The following ADAMTS17 variants were observed in gnomAD, a reference collection of about 807,000 sequenced individuals.
ADAMTS17 encodes the protein ADAM metallopeptidase with thrombospondin type 1 motif 17, also known as A disintegrin and metalloproteinase with thrombospondin motifs 17.
ADAMTS17 carries 113 observed loss-of-function variants against 141.5 expected under a neutral mutation model. The ratio of observed to expected loss-of-function variants is 0.80; its 90% CI spans 0.69 to 0.93. ADAMTS17 has a LOEUF of 0.93. Ranked by LOEUF, ADAMTS17 falls within the 40% of genes least tolerant of loss-of-function variation. The pLI is 0.00. For synonymous variants in ADAMTS17, 768 were observed against 630.6 expected (o/e 1.22, Z -3.27); for missense variants, 1,659 against 1,517.9 (o/e 1.09, Z -1.54).
chr15:100,203,543 A>C (rs1442838387), intron 7 of ADAMTS17, among the ~76,000 whole-genome samples: 1 of 152,138 alleles, frequency 6.6e-6, no homozygotes, highest in Non-Finnish European at 1.5e-5. Flanking sequence ...ATCTCTACTA[A>C]AAATACAAAA....
chr15:100,005,662 G>C (rs1355381369), intron 18 of ADAMTS17, among the ~76,000 whole-genome samples: 4 of 152,178 alleles, frequency 2.6e-5, no homozygotes, highest in Non-Finnish European at 5.9e-5. Context: ...CCGATAATCA[G>C]TTGGCCTTAA....
At chr15:100,246,318 T>A (rs2042985305) in intron 7 of ADAMTS17, among the ~76,000 whole-genome samples, 1 of 152,208 alleles carries the variant, frequency 6.6e-6, no homozygotes, top group South Asian at 2.1e-4. Context: ...GCAGATGGTC[T>A]ATTTTTTAAT....
rs1275415106 is a variant in ADAMTS17 at position 100,155,313 on chromosome 15, T to C, written c.1189A>G (p.Met397Val). 1.4e-5 allele frequency: 22 copies of C among 1,613,636 alleles called. No homozygotes were observed. The highest frequency in any genetic ancestry group is 1.7e-5 in the Non-Finnish European group (20 of 1,179,820). ...GATGAGTGGTCATCGTCGTGGTTCA[T>C]GCCCAAGCTGTCCAAGAAGGAGGAG... Reference protein sequence around the residue: ...IAHELGHNLGMNHDDDHSSCA... With the variant: ...IAHELGHNLGVNHDDDHSSCA... Residue 397 changes from methionine (M) to valine (V), a missense_variant, in exon 9 of 22, where the codon ATG becomes GTG. Met to Val is a conservative substitution (Grantham distance 21). Transcript: ENST00000268070.
chr15:100,036,133 G>C (rs1291438742), intron 18 of ADAMTS17, among the ~76,000 whole-genome samples: 1 of 152,196 alleles, frequency 6.6e-6, no homozygotes, highest in Non-Finnish European at 1.5e-5. Context: ...GGGCTTCTTT[G>C]TCAGAGTCTT....
intron 3 of ADAMTS17, among the ~76,000 whole-genome samples, chr15:100,281,825 A>T (rs964191991): frequency 1.3e-5 from 2 of 152,172 alleles, no homozygotes; most frequent in Non-Finnish European, 2.9e-5. Context: ...AGGGGACAGG[A>T]CACTCCCCTG....
intron 19 of ADAMTS17, among the ~76,000 whole-genome samples, chr15:99,994,021 C>T (rs748100224): frequency 2.6e-5 from 4 of 152,164 alleles, no homozygotes; most frequent in Non-Finnish European, 5.9e-5. Context: ...CTGGAGCCTG[C>T]TCCTGACACG....
At chr15:100,261,260 G>A (rs1257284288) in intron 6 of ADAMTS17, among the ~76,000 whole-genome samples, 1 of 152,162 alleles carries the variant, frequency 6.6e-6, no homozygotes, top group African/African-American at 2.4e-5. Context: ...CAATGGAGGA[G>A]GGACAAAGAG....
intron 14 of ADAMTS17, among the ~76,000 whole-genome samples, chr15:100,098,363 G>A (rs1269547084): frequency 6.6e-6 from 1 of 152,046 alleles, no homozygotes; most frequent in East Asian, 1.9e-4. Context: ...AGATTACAGG[G>A]GCTGGCCCGG....
At chr15:100,013,032 C>T (rs1301338033) in intron 18 of ADAMTS17, among the ~76,000 whole-genome samples, 1 of 152,092 alleles carries the variant, frequency 6.6e-6, no homozygotes, top group South Asian at 2.1e-4. Flanking sequence ...GGATGTGTTT[C>T]CATTTGTTTG....
chr15:100,138,608 G>A (rs1308863490), intron 10 of ADAMTS17, among the ~76,000 whole-genome samples: 1 of 152,158 alleles, frequency 6.6e-6, no homozygotes, highest in Non-Finnish European at 1.5e-5. Flanking sequence ...AGGCGGTGGG[G>A]AATATAAAAG....
intron 8 of ADAMTS17, among the ~76,000 whole-genome samples, chr15:100,161,031 A>G (rs982600264): frequency 2.6e-5 from 4 of 152,204 alleles, no homozygotes; most frequent in Non-Finnish European, 5.9e-5. Context: ...TATGCCCAGT[A>G]ATTTTAACTT....
rs114338472 is a variant in ADAMTS17 at position 100,008,699 on chromosome 15, C to T, written c.2592-11110G>A. Among the ~76,000 whole-genome samples the T allele has an allele frequency of 3.7e-3, 566 of 152,336 alleles. 2 individuals are homozygous for T. Among genetic ancestry groups the T allele is most frequent in the African/African-American group, 0.013 (548 of 41,564 alleles). ...AGACTTGGGCATCTGATCTGGAAAG[C>T]GAGATGGATCAGAGTTCTCACTTCT... On this transcript the variant is annotated intron_variant, in intron 18 of 21. Transcript: ENST00000268070.
chr15:100,104,556 G>A (rs926310314), intron 14 of ADAMTS17, among the ~76,000 whole-genome samples: 2 of 152,068 alleles, frequency 1.3e-5, no homozygotes, highest in African/African-American at 4.8e-5. Flanking sequence ...TATGTTCCTC[G>A]ACATTTCCCA....
intron 3 of ADAMTS17, among the ~76,000 whole-genome samples, chr15:100,324,447 C>T (rs990658490): frequency 1.3e-5 from 2 of 152,124 alleles, no homozygotes; most frequent in Admixed American, 6.5e-5. Flanking sequence ...AAATAATTTA[C>T]ACCTGCTACA....
intron 4 of ADAMTS17, among the ~76,000 whole-genome samples, chr15:100,263,728 G>T (rs920822445): frequency 6.6e-6 from 1 of 152,254 alleles, no homozygotes; most frequent in Non-Finnish European, 1.5e-5. Flanking sequence ...GAAGGTTGGA[G>T]GGAACAAGAA....
In ADAMTS17 at chr15:99,992,574, G is replaced by A. The variant is rs555924739; in HGVS notation, c.2949+474C>T. Among the ~76,000 whole-genome samples, 91 of 152,284 alleles carry A rather than the reference G, an allele frequency of 6.0e-4. 2 individuals carry two copies. Among genetic ancestry groups the A allele is most frequent in the Admixed American group, 5.1e-3 (78 of 15,300 alleles). On this transcript the variant is annotated intron_variant, in intron 20 of 21. Coordinates refer to ENST00000268070, the MANE Select transcript of ADAMTS17 (RefSeq NM_139057.4). ...CCCTTGCTCTCGGGAGTGCTGACCC[G>A]GCGGTTCTGTGATACTCCTCCCTGC... is the stretch of plus-strand genomic sequence containing the variant.
chr15:100,200,687 G>A (rs1224258091), intron 7 of ADAMTS17, among the ~76,000 whole-genome samples: 2 of 152,218 alleles, frequency 1.3e-5, no homozygotes, highest in African/African-American at 4.8e-5. Flanking sequence ...CAGTGGCTCT[G>A]CTGGCATAGC....
chr15:100,196,725 G>A (rs900159436), intron 8 of ADAMTS17, among the ~76,000 whole-genome samples: 35 of 152,346 alleles, frequency 2.3e-4, no homozygotes, highest in Admixed American at 2.3e-3. Context: ...AAACAGCCTG[G>A]CCGGTGGCTT....
chr15:99,996,094 G>A (rs573225843), intron 19 of ADAMTS17, among the ~76,000 whole-genome samples: 119 of 144,134 alleles, frequency 8.3e-4, no homozygotes, highest in African/African-American at 2.9e-3. Context: ...CGCTCTTGTT[G>A]CCCAGGCTGA....
Sources: allele counts gnomAD v4.1 joint callset (sites outside exome capture counted in the v4.1 genomes callset), GRCh38; gene constraint gnomAD v4.1.1; transcripts MANE v1.5; gene names NCBI Gene and HGNC (gene_info 2026-07-23, HGNC 2026-07-21).